Variants in ACACA observed in about 807,000 individuals in gnomAD.
ACACA encodes acetyl-CoA carboxylase alpha.
ACACA carries 103 observed loss-of-function variants against 296.1 expected under a neutral mutation model. That is an observed-to-expected ratio of 0.35 (90% confidence interval 0.30 to 0.41). The LOEUF (loss-of-function observed/expected upper bound fraction) is 0.41, where lower values mean the gene tolerates loss of function less well. Among genes scored for constraint, ACACA ranks in the 10% least tolerant of loss-of-function variants. ACACA has a pLI of 1.00. For missense variants in ACACA, 1,554 were observed against 2,989.7 expected (o/e 0.52, Z 11.20); for synonymous variants, 953 against 1,038.6 (o/e 0.92, Z 1.58).
At chr17:37,353,986 C>G (rs944582842) in intron 1 of ACACA, among the ~76,000 whole-genome samples, 1 of 151,902 alleles carries the variant, frequency 6.6e-6, no homozygotes, top group Non-Finnish European at 1.5e-5. Context: ...CATGTGCCTG[C>G]GATCCCAGCT....
Position 37,085,889 on chromosome 17 carries a change from G to T in ACACA, c.*1427C>A. On this transcript the variant is annotated 3_prime_UTR_variant, in exon 56 of 56. Coordinates refer to ENST00000616317, the MANE Select transcript of ACACA (RefSeq NM_198834.3). ...AGTGATTTCCTCCTTGGTCATCAGT[G>T]ACAAATGCAGTTAGCTGCACTAAAG... 2 of 398,890 alleles carry T rather than the reference G, an allele frequency of 5.0e-6. No individual in the cohort carries two copies. Among genetic ancestry groups the T allele is most frequent in the South Asian group, 2.6e-4 (2 of 7,674 alleles). The allele number at this position is 398,890 out of a possible 1,614,324, so 24.7% of individuals were successfully genotyped here.
At chr17:37,167,696 CAAAAAAAA>C (rs540610206) in intron 41 of ACACA, among the ~76,000 whole-genome samples, 1 of 75,612 alleles carries the variant, frequency 1.3e-5, no homozygotes, top group African/African-American at 4.2e-5. Flanking sequence ...CAAAAACTGG[CAAAAAAAA>C]AAAAAAAAAA....
intron 1 of ACACA, among the ~76,000 whole-genome samples, chr17:37,369,707 T>G (rs1339595130): frequency 6.6e-6 from 1 of 151,948 alleles, no homozygotes; most frequent in Non-Finnish European, 1.5e-5. Flanking sequence ...TACATTCTTT[T>G]TTTTGTTTTG....
At chr17:37,260,364 C>T (rs118134114) in intron 11 of ACACA, among the ~76,000 whole-genome samples, 2,498 of 134,832 alleles carry the variant, frequency 0.019, 33 homozygotes, top group Non-Finnish European at 0.027. Flanking sequence ...AGCACAGTGG[C>T]GCAATCTCGG....
At chr17:37,162,172 A>G (rs566102979) in intron 41 of ACACA, 122 bp from the exon 42 acceptor site, 2 of 1,045,868 alleles carry the variant, frequency 1.9e-6, no homozygotes, top group Non-Finnish European at 2.9e-6. Context: ...ACATTGCTAA[A>G]GAGCCAAACT....
At chr17:37,394,921 A>G (rs900204677) in intron 1 of ACACA, among the ~76,000 whole-genome samples, 1 of 151,238 alleles carries the variant, frequency 6.6e-6, no homozygotes, top group African/African-American at 2.4e-5. Context: ...ATATAATAAA[A>G]TAAATAAAGT....
intron 3 of ACACA, among the ~76,000 whole-genome samples, chr17:37,317,613 A>T (rs2047158318): frequency 6.6e-6 from 1 of 152,220 alleles, no homozygotes; most frequent in African/African-American, 2.4e-5. Flanking sequence ...AACCTACATT[A>T]CTTCTAATAA....
intron 2 of ACACA, among the ~76,000 whole-genome samples, chr17:37,333,539 C>T (rs1270118699): frequency 6.6e-6 from 1 of 152,002 alleles, no homozygotes; most frequent in Non-Finnish European, 1.5e-5. Flanking sequence ...ACATAGTTTC[C>T]TCCCCTCAGG....
At chr17:37,343,564 A>C (rs918021030) in intron 1 of ACACA, among the ~76,000 whole-genome samples, 4 of 151,862 alleles carry the variant, frequency 2.6e-5, no homozygotes, top group African/African-American at 9.7e-5. Context: ...CAGGAGTTCA[A>C]GACCAGCCTG....
At chr17:37,368,797 C>T (rs1402865687) in intron 1 of ACACA, 1 of 152,090 alleles carries the variant, frequency 6.6e-6, no homozygotes, top group African/African-American at 2.4e-5. Context: ...ATTATTGCAT[C>T]ACACAGGAAA....
intron 39 of ACACA, among the ~76,000 whole-genome samples, chr17:37,183,704 A>G (rs1366482793): frequency 6.6e-6 from 1 of 151,900 alleles, no homozygotes; most frequent in Admixed American, 6.6e-5. Context: ...GAATGGTGTG[A>G]ACCCGGGAGG....
intron 3 of ACACA, among the ~76,000 whole-genome samples, chr17:37,302,841 G>T (rs2083693154): frequency 6.6e-6 from 1 of 152,088 alleles, no homozygotes; most frequent in African/African-American, 2.4e-5. Context: ...ATTTTACTGA[G>T]ATACAATTCA....
At chr17:37,287,422 C>T (rs1332709770) in intron 3 of ACACA, among the ~76,000 whole-genome samples, 1 of 152,008 alleles carries the variant, frequency 6.6e-6, no homozygotes, top group Non-Finnish European at 1.5e-5. Flanking sequence ...AAAACCACCA[C>T]CTACGGGAGT....
At chr17:37,244,085 G>A (rs926655758) in intron 21 of ACACA, among the ~76,000 whole-genome samples, 3 of 151,950 alleles carry the variant, frequency 2.0e-5, no homozygotes, top group African/African-American at 4.8e-5. Context: ...AATCACGGGC[G>A]GGCACAGTGG....
chr17:37,372,898 G>A (rs1363722767), intron 1 of ACACA, among the ~76,000 whole-genome samples: 1 of 151,372 alleles, frequency 6.6e-6, no homozygotes, highest in Non-Finnish European at 1.5e-5. Context: ...TTTGGTGGGG[G>A]AGGATGGAGT....
intron 16 of ACACA, among the ~76,000 whole-genome samples, chr17:37,251,588 C>G (rs1049710407): frequency 5.9e-5 from 9 of 152,172 alleles, no homozygotes; most frequent in Admixed American, 5.2e-4. Context: ...TTGAAAGACT[C>G]ATGAGGTCAT....
At chr17:37,276,988 GACAGAAAGAA>G in intron 7 of ACACA, 35 bp downstream of exon 7, 4 of 1,550,740 alleles carry the variant, frequency 2.6e-6, no homozygotes, top group South Asian at 1.1e-5. Context: ...GGGCAAAATT[GACAGAAAGAA>G]ACAGAAAGAC....
chr17:37,204,994 A>G (rs1342729728), intron 33 of ACACA, among the ~76,000 whole-genome samples: 1 of 152,222 alleles, frequency 6.6e-6, no homozygotes, highest in Non-Finnish European at 1.5e-5. Flanking sequence ...AGCCTGCTGC[A>G]GTGTCTCAGG....
chr17:37,100,044 A>G (rs1254038471), intron 52 of ACACA, among the ~76,000 whole-genome samples: 1 of 152,190 alleles, frequency 6.6e-6, no homozygotes, highest in African/African-American at 2.4e-5. Flanking sequence ...GAATCTACCA[A>G]TTCACCCTCA....
Sources: allele counts gnomAD v4.1 joint callset (sites outside exome capture counted in the v4.1 genomes callset), GRCh38; gene constraint gnomAD v4.1.1; transcripts MANE v1.5; gene names NCBI Gene and HGNC (gene_info 2026-07-23, HGNC 2026-07-21).